Variants in TBC1D1 observed in about 807,000 individuals in gnomAD.
TBC1D1 encodes TBC1 domain family member 1, also known as TBC1 (tre-2/USP6, BUB2, cdc16) domain family, member 1.
A neutral mutation model predicts 125.6 loss-of-function variants in TBC1D1; 89 were observed. The ratio of observed to expected loss-of-function variants is 0.71; its 90% CI spans 0.60 to 0.85. The LOEUF is 0.85. Among genes scored for constraint, TBC1D1 ranks in the 40% least tolerant of loss-of-function variants. TBC1D1 has a pLI of 0.00. For synonymous variants in TBC1D1, 565 were observed against 564.1 expected (o/e 1.00, Z -0.02); for missense variants, 1,377 against 1,469.2 (o/e 0.94, Z 1.03).
At chr4:38,063,692 G>A (rs2152500168) in intron 12 of TBC1D1, among the ~76,000 whole-genome samples, 1 of 151,622 alleles carries the variant, frequency 6.6e-6, no homozygotes, top group East Asian at 1.9e-4. Flanking sequence ...GCAGTGGTGC[G>A]ATCTCGGCTC....
At chr4:38,112,564 G>C (rs1479567665) in intron 15 of TBC1D1, among the ~76,000 whole-genome samples, 1 of 152,224 alleles carries the variant, frequency 6.6e-6, no homozygotes. Flanking sequence ...TTTAAAAAGA[G>C]GAAGCTAAGG....
At chr4:38,049,574 A>G (rs1293510482) in intron 10 of TBC1D1, 44 bp from the exon 11 acceptor site, 1 of 1,543,900 alleles carries the variant, frequency 6.5e-7, no homozygotes, top group Non-Finnish European at 8.7e-7. Flanking sequence ...TAAATCCCAC[A>G]TATTCCCCAT....
intron 7 of TBC1D1, among the ~76,000 whole-genome samples, chr4:38,028,221 A>G (rs1464587159): frequency 2.0e-5 from 3 of 152,036 alleles, no homozygotes; most frequent in Non-Finnish European, 2.9e-5. Context: ...GCTGGAGTGC[A>G]GTGGCATGAT....
chr4:37,914,481 G>T (rs1279655717), intron 2 of TBC1D1, among the ~76,000 whole-genome samples: 1 of 152,008 alleles, frequency 6.6e-6, no homozygotes, highest in African/African-American at 2.4e-5. Context: ...CACTTCCTTT[G>T]CTCCATTACA....
intron 2 of TBC1D1, among the ~76,000 whole-genome samples, chr4:37,937,112 A>G (rs1295940483): frequency 2.0e-5 from 3 of 152,220 alleles, no homozygotes; most frequent in African/African-American, 4.8e-5. Flanking sequence ...GCTGCCAGAC[A>G]CTGCTGTCCC....
In TBC1D1 at chr4:38,044,313, G is replaced by A. The variant is rs183763770; in HGVS notation, c.1414-49G>A. 2.8e-5 allele frequency: 43 copies of A among 1,557,762 alleles called. No homozygotes were observed. In the African/African-American group the frequency reaches 5.8e-4, roughly 21 times the overall value. On this transcript the variant is annotated intron_variant, in intron 8 of 19. Coordinates refer to ENST00000261439, the MANE Select transcript of TBC1D1 (RefSeq NM_015173.4). ...TCCTAGAGATTTTTCATTCCTTTAA[G>A]AAGCAGAGAAGGGAGCGATAAATGA...
intron 2 of TBC1D1, among the ~76,000 whole-genome samples, chr4:37,942,671 T>C (rs1725817248): frequency 6.6e-6 from 1 of 152,098 alleles, no homozygotes; most frequent in Admixed American, 6.6e-5. Flanking sequence ...CCCAAGTAGC[T>C]GGAACTACAG....
In TBC1D1 at chr4:38,136,611, G is replaced by A. The variant is rs138432471; in HGVS notation, c.3307-524G>A. ...TTTCAGATTAGAGGATTGTTACCAC[G>A]TGGGCCTTCAGGAGGAAACTGTTTT... On this transcript the variant is annotated intron_variant, in intron 19 of 19. Coordinates refer to ENST00000261439, the MANE Select transcript of TBC1D1 (RefSeq NM_015173.4). Among the ~76,000 whole-genome samples the A allele has an allele frequency of 4.7e-4, 71 of 152,300 alleles. No individual in the cohort carries two copies. In the South Asian group the frequency reaches 8.7e-3, roughly 19 times the overall value.
At chr4:38,052,729 C>CACAG (rs1491228295) in intron 11 of TBC1D1, among the ~76,000 whole-genome samples, 939 of 28,228 alleles carry the variant, frequency 0.033, 8 homozygotes, top group Middle Eastern at 0.062. Context: ...CGCGCGCGCG[C>CACAG]ACACACACAC....
intron 7 of TBC1D1, among the ~76,000 whole-genome samples, chr4:38,035,015 C>T (rs1179464719): frequency 6.6e-6 from 1 of 152,204 alleles, no homozygotes; most frequent in African/African-American, 2.4e-5. Flanking sequence ...GACTTCTGGT[C>T]CAGTGTGCTG....
intron 9 of TBC1D1, among the ~76,000 whole-genome samples, chr4:38,045,463 G>A (rs186492576): frequency 2.0e-4 from 30 of 152,320 alleles, no homozygotes; most frequent in Non-Finnish European, 3.7e-4. Flanking sequence ...AGTGCTGTCC[G>A]AGTGACATGC....
chr4:38,129,717 A>G (rs1278911300), intron 18 of TBC1D1, among the ~76,000 whole-genome samples: 1 of 152,234 alleles, frequency 6.6e-6, no homozygotes. Context: ...AGCCAAGAAC[A>G]TAAACAGACA....
At chr4:38,099,076 C>T (rs1208090436) in intron 14 of TBC1D1, among the ~76,000 whole-genome samples, 1 of 152,182 alleles carries the variant, frequency 6.6e-6, no homozygotes, top group African/African-American at 2.4e-5. Flanking sequence ...GCTGCCTGGG[C>T]TGCTGACAGT....
chr4:37,933,236 C>A (rs1364438099), intron 2 of TBC1D1, among the ~76,000 whole-genome samples: 1 of 152,016 alleles, frequency 6.6e-6, no homozygotes, highest in Non-Finnish European at 1.5e-5. Flanking sequence ...TATACCTATA[C>A]ACACATTTAC....
intron 12 of TBC1D1, among the ~76,000 whole-genome samples, chr4:38,072,518 T>C (rs1375279850): frequency 1.3e-5 from 2 of 152,194 alleles, no homozygotes; most frequent in East Asian, 3.8e-4. Flanking sequence ...TTTTAGCCAT[T>C]TGAGAGGAAA....
At chr4:37,973,603 G>A (rs1227116259) in intron 2 of TBC1D1, among the ~76,000 whole-genome samples, 2 of 152,060 alleles carry the variant, frequency 1.3e-5, no homozygotes, top group African/African-American at 2.4e-5. Flanking sequence ...TGGAGTGATG[G>A]AGTATGATGA....
At chr4:38,045,625 G>A (rs889488773) in intron 9 of TBC1D1, among the ~76,000 whole-genome samples, 192 bp from the exon 10 acceptor site, 7 of 152,072 alleles carry the variant, frequency 4.6e-5, no homozygotes, top group Admixed American at 1.3e-4. Flanking sequence ...GGAACGTTTA[G>A]GTTAGTGTCT....
intron 2 of TBC1D1, among the ~76,000 whole-genome samples, chr4:37,981,885 A>T (rs1196512742): frequency 6.6e-6 from 1 of 152,214 alleles, no homozygotes; most frequent in Non-Finnish European, 1.5e-5. Flanking sequence ...TGGTTCGGAT[A>T]GGAGGTGATA....
At chr4:37,963,404 G>A (rs114407805) in intron 2 of TBC1D1, among the ~76,000 whole-genome samples, 16,503 of 150,826 alleles carry the variant, frequency 0.11, 997 homozygotes, top group East Asian at 0.16. Flanking sequence ...TGGGGGGTGA[G>A]GGAGGGGGGA....
Sources: gnomAD v4.1 joint callset for allele counts (sites outside exome capture counted in the v4.1 genomes callset) on GRCh38, gnomAD v4.1.1 for gene constraint, MANE v1.5 for transcripts, NCBI Gene and HGNC (gene_info 2026-07-23, HGNC 2026-07-21) for gene names.